RIPK1: variants seen among roughly 807,000 people sequenced by gnomAD.
RIPK1 encodes receptor-interacting serine/threonine-protein kinase 1.
A neutral mutation model predicts 62.4 loss-of-function variants in RIPK1; 27 were observed. The ratio of observed to expected loss-of-function variants is 0.43; its 90% CI spans 0.32 to 0.60. The LOEUF (loss-of-function observed/expected upper bound fraction) is 0.60. Ranked by LOEUF, RIPK1 falls within the 20% of genes least tolerant of loss-of-function variation. The pLI, the probability that RIPK1 is intolerant of heterozygous loss-of-function variation, is 0.07. For synonymous variants in RIPK1, 287 were observed against 303.2 expected (o/e 0.95, Z 0.55); for missense variants, 735 against 831.0 (o/e 0.88, Z 1.42).
At chr6:3,066,368 G>A (rs1052299391), upstream of RIPK1, among the ~76,000 whole-genome samples, 1 of 152,110 alleles carries the variant, frequency 6.6e-6, no homozygotes, top group Admixed American at 6.5e-5. Context: ...CGAGTCTTCA[G>A]TGCCTAGAAC....
intron 7 of RIPK1, among the ~76,000 whole-genome samples, chr6:3,096,848 C>T (rs957053447): frequency 3.3e-5 from 5 of 151,422 alleles, no homozygotes; most frequent in African/African-American, 7.3e-5. Context: ...TGTGAGGCAC[C>T]GTGCCCAGCC....
chr6:3,068,295 C>G, upstream of RIPK1: 1 of 985,606 alleles, frequency 1.0e-6, no homozygotes, highest in Non-Finnish European at 1.2e-6. Flanking sequence ...CCTTCTCCCT[C>G]TCGTGCGCGC....
chr6:3,106,083 CTTTT>C, intron 9 of RIPK1, 32 bp downstream of exon 9: 1 of 1,467,840 alleles, frequency 6.8e-7, no homozygotes, highest in Non-Finnish European at 9.3e-7. Flanking sequence ...ACAAGCTTGT[CTTTT>C]TTTATTTTTC....
chr6:3,112,990 C>G, intron 10 of RIPK1, 63 bp from the exon 11 acceptor site: 1 of 1,403,588 alleles, frequency 7.1e-7, no homozygotes, highest in Non-Finnish European at 9.6e-7. Context: ...TTTAGCAATT[C>G]AGGAAGCTGG....
At chr6:3,088,523 A>C (rs1759849521) in intron 6 of RIPK1, among the ~76,000 whole-genome samples, 1 of 152,232 alleles carries the variant, frequency 6.6e-6, no homozygotes, top group Non-Finnish European at 1.5e-5. Context: ...ATCAGCTGGC[A>C]GGTAGGACAG....
intron 4 of RIPK1, among the ~76,000 whole-genome samples, chr6:3,082,385 C>T (rs1759439907): frequency 6.6e-6 from 1 of 152,158 alleles, no homozygotes; most frequent in South Asian, 2.1e-4. Context: ...TGCTTGGATT[C>T]CTGGAGGCAG....
chr6:3,094,541 A>C (rs535259795), intron 7 of RIPK1, among the ~76,000 whole-genome samples: 102 of 151,040 alleles, frequency 6.8e-4, no homozygotes, highest in African/African-American at 2.4e-3. Flanking sequence ...TGCACTTTGC[A>C]AAGGAGTACT....
chr6:3,077,057 T>A lies in RIPK1; in HGVS notation c.164+70T>A, dbSNP rs1447658342. The A allele has an allele frequency of 1.1e-5, 16 of 1,450,510 alleles. No homozygotes were observed. The South Asian group carries it at 2.2e-4, about 20-fold the overall frequency. 89.9% of individuals were successfully genotyped at this position (1,450,510 alleles called of 1,614,324 possible). On this transcript the variant is annotated intron_variant, in intron 2 of 10. Coordinates refer to ENST00000259808, the MANE Select transcript of RIPK1 (RefSeq NM_001354930.2). Reference sequence around the variant, plus strand: ...GGGGACGTTGGCTGTTGTGGAGCCGTTGGCTGCTGCGGAGCCGTTGGTGGG... The same window carrying A: ...GGGGACGTTGGCTGTTGTGGAGCCGATGGCTGCTGCGGAGCCGTTGGTGGG...
upstream of RIPK1, among the ~76,000 whole-genome samples, chr6:3,064,522 C>G (rs1331033634): frequency 1.3e-5 from 2 of 152,316 alleles, no homozygotes; most frequent in East Asian, 3.9e-4. Context: ...CTTCCTTCCC[C>G]GGAGCACTCC....
rs914539813 is a variant in RIPK1, at chr6:3,105,452, C to T, written c.1007-30C>T. On this transcript the variant is annotated intron_variant, in intron 8 of 10. Coordinates refer to ENST00000259808, the MANE Select transcript of RIPK1 (RefSeq NM_001354930.2). The surrounding 1 kb of genome is among the most constrained non-coding windows in gnomAD (Gnocchi z 4.5). ...TTTTACTTTTTAATGTTTCATGACA[C>T]CCATTCTAATGTTGATCATTTCTTC... 6 of 1,455,628 alleles carry T rather than the reference C, an allele frequency of 4.1e-6. No homozygotes were observed. The highest frequency in any genetic ancestry group is 3.6e-4 in the Middle Eastern group (2 of 5,494). The allele number at this position is 1,455,628 out of a possible 1,614,324, so 90.2% of individuals were successfully genotyped here.
chr6:3,076,421 A>C (rs1158461082), intron 1 of RIPK1, among the ~76,000 whole-genome samples: 2 of 152,068 alleles, frequency 1.3e-5, no homozygotes, highest in African/African-American at 4.8e-5. Context: ...TAATCTCAGC[A>C]CTTTGGGAGG....
At position 3,104,544 on chromosome 6, in the gene RIPK1, A is replaced by G. The variant is rs542230219; in HGVS notation, c.1006+229A>G. On this transcript the variant is annotated intron_variant, in intron 8 of 10. Transcript: ENST00000259808. Reference sequence around the variant, plus strand: ...GAGTGTTCTGAACAAAAGGCCTAATATATCTGATGGGGAGAAGTGACAGTT... The same window carrying G: ...GAGTGTTCTGAACAAAAGGCCTAATGTATCTGATGGGGAGAAGTGACAGTT... Among the ~76,000 whole-genome samples the G allele has an allele frequency of 3.3e-5, 5 of 152,310 alleles. No homozygotes were observed. In the South Asian group the frequency reaches 1.0e-3, roughly 32 times the overall value.
intron 6 of RIPK1, among the ~76,000 whole-genome samples, chr6:3,085,954 T>C (rs1759667080): frequency 1.3e-5 from 2 of 152,262 alleles, no homozygotes; most frequent in African/African-American, 4.8e-5. Context: ...AATATTCCAT[T>C]GTATGAATGG....
At chr6:3,094,049 C>CACCTAGTAACTGTAGCGT (rs1760131420) in intron 7 of RIPK1, among the ~76,000 whole-genome samples, 1 of 117,076 alleles carries the variant, frequency 8.5e-6, no homozygotes, top group Non-Finnish European at 1.5e-5. Flanking sequence ...AACTGCAGCG[C>CACCTAGTAACTGTAGCGT]GCCTACCTGC....
At position 3,105,602 on chromosome 6, in the gene RIPK1, G is replaced by A. The variant is rs775381232; in HGVS notation, c.1127G>A (p.Ser376Asn). ...GAAGAGAATGAGCCCAGCCTGCAGAGTAAACTCCAAGACGAAGCCAACTAC... is the reference window on the plus strand; with the variant it reads ...GAAGAGAATGAGCCCAGCCTGCAGAATAAACTCCAAGACGAAGCCAACTAC... The part of the protein sequence containing the change: ...PQEENEPSLQ[S>N]KLQDEANYHL... The change falls in exon 9 of 11, where the codon AGT becomes AAT. Residue 376 changes from serine (S) to asparagine (N), a missense_variant. This residue lies in a region of RIPK1 where 671 missense variants were observed against 726.2 expected (regional missense o/e 0.92). Coordinates refer to ENST00000259808, the MANE Select transcript of RIPK1 (RefSeq NM_001354930.2). The surrounding 1 kb of genome is among the most constrained non-coding windows in gnomAD (Gnocchi z 4.5). The A allele has an allele frequency of 1.9e-5, 31 of 1,613,992 alleles. No homozygotes were observed. The highest frequency in any genetic ancestry group is 4.0e-5 in the African/African-American group (3 of 74,920).
intron 6 of RIPK1, 145 bp downstream of exon 6, chr6:3,085,553 A>T: frequency 1.2e-6 from 1 of 851,030 alleles, no homozygotes; most frequent in Non-Finnish European, 1.8e-6. Flanking sequence ...GATTTCAAAC[A>T]TGTTATTCAG....
At chr6:3,094,025 C>A (rs1760126093) in intron 7 of RIPK1, among the ~76,000 whole-genome samples, 1 of 144,316 alleles carries the variant, frequency 6.9e-6, no homozygotes. Flanking sequence ...GCGCGCCTAC[C>A]TGCCGCACCT....
At position 3,078,074 on chromosome 6, in the gene RIPK1, T is replaced by G. The variant is rs563900133; in HGVS notation, c.321+139T>G. 4 of 797,872 alleles carry G rather than the reference T, an allele frequency of 5.0e-6. No homozygotes were observed. The South Asian group carries it at 7.4e-5, about 15-fold the overall frequency. 49.4% of individuals were successfully genotyped at this position (797,872 alleles called of 1,614,324 possible). On this transcript the variant is annotated intron_variant, in intron 3 of 10. Transcript: ENST00000259808. ...TGGTAGTTTGAATTTTCTTTTCCTT[T>G]TTTTATAGAGACAAGGTCTTGCTAT...
chr6:3,068,581 C>G lies in RIPK1; in HGVS notation c.-141C>G. On this transcript the variant is annotated 5_prime_UTR_variant, in exon 1 of 11. Coordinates refer to ENST00000259808, the MANE Select transcript of RIPK1 (RefSeq NM_001354930.2). ...GACTCCAGGGGACCCACAGCTGGGG[C>G]GCCAGAGCGCGGCCATCCGGGCGGG... The G allele has an allele frequency of 1.0e-6, 1 of 985,386 alleles. No homozygotes were observed. The highest frequency in any genetic ancestry group is 1.2e-6 in the Non-Finnish European group (1 of 829,988). The allele number at this position is 985,386 out of a possible 1,614,324, so 61.0% of individuals were successfully genotyped here. A position where few individuals can be genotyped will look rare whatever the true frequency, so the allele number is the denominator to read the frequency against.
Sources: allele counts gnomAD v4.1 joint callset (sites outside exome capture counted in the v4.1 genomes callset), GRCh38; gene constraint gnomAD v4.1.1; regional missense constraint gnomAD v4.1.1; non-coding constraint Gnocchi (gnomAD v3.1); transcripts MANE v1.5; gene names NCBI Gene and HGNC (gene_info 2026-07-23, HGNC 2026-07-21).